MGST1: variants seen among roughly 807,000 people sequenced by gnomAD.
The protein encoded by MGST1 is microsomal glutathione S-transferase 1.
MGST1 carries 5 observed loss-of-function variants against 8.9 expected under a neutral mutation model. The observed-to-expected ratio is 0.56, with a 90% CI of 0.29 to 1.19. The LOEUF is 1.19. Among genes scored for constraint, MGST1 ranks in the 50% most tolerant of loss-of-function variants. MGST1 has a pLI of 0.08. For missense variants in MGST1, 182 were observed against 187.4 expected (o/e 0.97, Z 0.17); for synonymous variants, 54 against 67.8 (o/e 0.80, Z 1.00).
chr12:16,492,036 T>C (rs1941442697), intron 4 of MGST1, among the ~76,000 whole-genome samples: 2 of 152,190 alleles, frequency 1.3e-5, no homozygotes, highest in Admixed American at 1.3e-4. Flanking sequence ...CATAGTTATA[T>C]GGACTACACT....
intron 1 of MGST1, among the ~76,000 whole-genome samples, chr12:16,385,330 T>C (rs1940495246): frequency 6.6e-6 from 1 of 152,208 alleles, no homozygotes; most frequent in Admixed American, 6.5e-5. Flanking sequence ...GGGGCAAGTC[T>C]AAAATTTCTT....
At chr12:16,422,941 C>G (rs1940851077) in intron 1 of MGST1, among the ~76,000 whole-genome samples, 2 of 152,070 alleles carry the variant, frequency 1.3e-5, no homozygotes. Context: ...CCAGGGAAGA[C>G]TCTGCAGGTC....
chr12:16,374,983 C>T (rs1052694203), intron 3 of MGST1, among the ~76,000 whole-genome samples: 3 of 152,122 alleles, frequency 2.0e-5, no homozygotes, highest in African/African-American at 7.2e-5. Context: ...TGGGCTCAAG[C>T]GATCCTCCCT....
intron 1 of MGST1, among the ~76,000 whole-genome samples, chr12:16,433,543 A>G (rs991882804): frequency 2.0e-5 from 3 of 152,106 alleles, no homozygotes; most frequent in Admixed American, 2.0e-4. Flanking sequence ...TCTCTTATTC[A>G]GAGGAGTATA....
chr12:16,400,159 A>G, intron 1 of MGST1: 1 of 1,267,308 alleles, frequency 7.9e-7, no homozygotes, highest in Non-Finnish European at 1.2e-6. Context: ...TCGGTCATGC[A>G]TATGTTGATG....
rs1942996100 is a variant in MGST1, at chr12:16,576,344, C to T, written n.483-13184C>T. Among the ~76,000 whole-genome samples the T allele has an allele frequency of 6.6e-6, 1 of 152,164 alleles. No homozygotes were observed. The highest frequency in any genetic ancestry group is 1.5e-5 in the Non-Finnish European group (1 of 68,028). The stretch of plus-strand genomic sequence containing the variant: ...AGCCTCAGCCCCAATGTGCTGTCTA[C>T]TCCCTGGACTCAGCATCTACTTTCA... On this transcript the variant is annotated intron_variant and non_coding_transcript_variant, in intron 4 of 4. Transcript: ENST00000538857. This position sits in a 1 kb window ranked among gnomAD's most constrained non-coding sequence, Gnocchi z 4.1.
rs3029719 is a variant in MGST1, at chr12:16,544,221, TAC to T, written n.483-45265_483-45264del. On this transcript the variant is annotated intron_variant and non_coding_transcript_variant, in intron 4 of 4. Transcript: ENST00000538857. This position sits in a 1 kb window ranked among gnomAD's most constrained non-coding sequence, Gnocchi z 4.8. ...TTAAATTGACACCTTAAGTAAGAAC[TAC>T]ACACACACACACACACACACACACA... 0.017 allele frequency among the ~76,000 whole-genome samples: 2,420 copies of T among 138,796 alleles called. 47 individuals are homozygous for T. The highest frequency in any genetic ancestry group is 0.11 in the East Asian group (542 of 4,836). The allele number at this position is 138,796 out of a possible 152,430, so 91.1% of individuals were successfully genotyped here.
chr12:16,565,983 C>T (rs756275865), intron 4 of MGST1, among the ~76,000 whole-genome samples: 99 of 43,842 alleles, frequency 2.3e-3, no homozygotes, highest in East Asian at 0.01. Context: ...GAAAATGTGC[C>T]ATATATATAT....
chr12:16,400,136 C>G, intron 1 of MGST1: 1 of 1,452,596 alleles, frequency 6.9e-7, no homozygotes, highest in Non-Finnish European at 9.7e-7. Flanking sequence ...ATCTGCTCAG[C>G]ATAGAGGTCA....
At chr12:16,382,575 A>G (rs1448241329), upstream of MGST1, among the ~76,000 whole-genome samples, 1 of 152,108 alleles carries the variant, frequency 6.6e-6, no homozygotes, top group East Asian at 1.9e-4. Flanking sequence ...CAGTTAGGCT[A>G]TTCGGGGATC....
At chr12:16,417,169 G>A (rs1940793831) in intron 1 of MGST1, among the ~76,000 whole-genome samples, 1 of 152,156 alleles carries the variant, frequency 6.6e-6, no homozygotes, top group Admixed American at 6.6e-5. Context: ...TTGACTCACA[G>A]TTCCACATGG....
At chr12:16,360,987 C>CG in intron 3 of MGST1, among the ~76,000 whole-genome samples, 1 of 151,676 alleles carries the variant, frequency 6.6e-6, no homozygotes, top group East Asian at 2.0e-4. Flanking sequence ...TGTTCCCCCC[C>CG]TCCCCGCCCC....
chr12:16,549,566 A>G (rs975192133), intron 4 of MGST1: 2 of 152,590 alleles, frequency 1.3e-5, no homozygotes, highest in Non-Finnish European at 2.9e-5. Flanking sequence ...TGTAATGCAT[A>G]TATTGGAAGG....
Position 16,508,552 on chromosome 12 carries a change from G to T in MGST1, n.483-80976G>T, listed in dbSNP as rs73320885. ...TGAACATGTACTTACACTTTACCAG[G>T]TTTATCTCTGATGAATCAATCATCT... is the stretch of plus-strand genomic sequence containing the variant. On this transcript the variant is annotated intron_variant and non_coding_transcript_variant, in intron 4 of 4. Coordinates refer to the MGST1 transcript ENST00000538857. Among the ~76,000 whole-genome samples the T allele has an allele frequency of 6.2e-3, 940 of 152,218 alleles. 9 individuals carry two copies. Among genetic ancestry groups the T allele is most frequent in the African/African-American group, 0.021 (879 of 41,538 alleles).
rs989994551 is a variant in MGST1, at chr12:16,400,393, G to T, written n.778+16789G>T. 1.2e-5 allele frequency: 10 copies of T among 818,362 alleles called. No homozygotes were observed. In the East Asian group the frequency reaches 2.4e-4, roughly 20 times the overall value. The allele number at this position is 818,362 out of a possible 1,614,324, so 50.7% of individuals were successfully genotyped here. On this transcript the variant is annotated intron_variant and non_coding_transcript_variant, in intron 1 of 1. Coordinates refer to the MGST1 transcript ENST00000359720. ...GAAGCCATTGACACGGGCCTCCAGT[G>T]AGCCTTGCAGCCTCTTTTGGGCAAT...
chr12:16,422,364 T>G lies in MGST1; in HGVS notation n.779-15024T>G, dbSNP rs577314510. 4.6e-5 allele frequency among the ~76,000 whole-genome samples: 7 copies of G among 152,302 alleles called. No homozygotes were observed. The South Asian group carries it at 1.2e-3, about 27-fold the overall frequency. On this transcript the variant is annotated intron_variant and non_coding_transcript_variant, in intron 1 of 1. Transcript: ENST00000359720. ...GGCCAGTGGGAGAAGTTCCCCTTACTACTTTCAGGGCCACTTCTCAGTGGA... is the reference window on the plus strand; with the variant it reads ...GGCCAGTGGGAGAAGTTCCCCTTACGACTTTCAGGGCCACTTCTCAGTGGA...
At chr12:16,550,302 T>C (rs1397903108) in intron 4 of MGST1, 1 of 152,464 alleles carries the variant, frequency 6.6e-6, no homozygotes, top group Non-Finnish European at 1.5e-5. Flanking sequence ...GTTTAATTTA[T>C]CACTTAAAAA....
chr12:16,565,150 AC>A (rs1257317669), intron 4 of MGST1, among the ~76,000 whole-genome samples: 3 of 152,212 alleles, frequency 2.0e-5, no homozygotes, highest in Admixed American at 2.0e-4. Context: ...TTTAAAAAAA[AC>A]TATAGAATAA....
intron 1 of MGST1, among the ~76,000 whole-genome samples, chr12:16,417,491 T>C (rs764186372): frequency 4.6e-5 from 7 of 152,086 alleles, no homozygotes; most frequent in Non-Finnish European, 1.0e-4. Context: ...CTGTATAGTA[T>C]AGAAATGAAT....
Sources: allele counts gnomAD v4.1 joint callset (sites outside exome capture counted in the v4.1 genomes callset), GRCh38; gene constraint gnomAD v4.1.1; non-coding constraint Gnocchi (gnomAD v3.1); transcripts MANE v1.5; gene names NCBI Gene and HGNC (gene_info 2026-07-23, HGNC 2026-07-21).